Variants in MGAT4C observed in about 807,000 individuals in gnomAD.
MGAT4C encodes MGAT4 family member C, also known as alpha-1,3-mannosyl-glycoprotein 4-beta-N-acetylglucosaminyltransferase C.
MGAT4C carries 19 observed loss-of-function variants against 40.1 expected under a neutral mutation model. The ratio of observed to expected loss-of-function variants is 0.47; its 90% CI spans 0.33 to 0.70. The LOEUF is 0.70. Ranked by LOEUF, MGAT4C falls within the 30% of genes least tolerant of loss-of-function variation. The probability of loss-of-function intolerance (pLI) is 0.02; values close to 1 mark genes in which losing one functional copy is unlikely to be tolerated. For missense variants in MGAT4C, 491 were observed against 563.2 expected (o/e 0.87, Z 1.30); for synonymous variants, 181 against 187.1 (o/e 0.97, Z 0.27).
At chr12:86,173,107 A>C (rs546222885) in intron 1 of MGAT4C, among the ~76,000 whole-genome samples, 1 of 152,096 alleles carries the variant, frequency 6.6e-6, no homozygotes, top group African/African-American at 2.4e-5. Context: ...GGCTGGGCTA[A>C]ATTGTGATCA....
chr12:86,450,114 C>G (rs1957400451), intron 2 of MGAT4C, among the ~76,000 whole-genome samples: 4 of 151,740 alleles, frequency 2.6e-5, no homozygotes. Context: ...ATATGTTCAG[C>G]GTTAGTAGAA....
At position 85,979,935 on chromosome 12, in the gene MGAT4C, T is replaced by G; in HGVS notation, c.791A>C (p.Tyr264Ser). ...CAAACGTGGGAGATCATGAGAATGATAGAGTTTACCAATGTAGCCAAGCTT... is the reference window on the plus strand; with the variant it reads ...CAAACGTGGGAGATCATGAGAATGAGAGAGTTTACCAATGTAGCCAAGCTT... ...FSKLGYIGKL[Y>S]HSHDLPRLAH... Residue 264 changes from tyrosine to serine, a missense_variant, in exon 5 of 5, where the codon TAT (tyrosine) becomes TCT (serine). Physicochemically the swap from Tyr to Ser is moderately radical, Grantham distance 144. Transcript: ENST00000611864. 6.2e-7 allele frequency: 1 copy of G among 1,613,810 alleles called. No homozygotes were observed. Among genetic ancestry groups the G allele is most frequent in the Non-Finnish European group, 8.5e-7 (1 of 1,179,852 alleles).
At chr12:85,997,627 T>A (rs1886776207) in intron 2 of MGAT4C, among the ~76,000 whole-genome samples, 1 of 152,170 alleles carries the variant, frequency 6.6e-6, no homozygotes, top group African/African-American at 2.4e-5. Context: ...ACAGGCCCCA[T>A]GCAAGTCCAA....
At chr12:86,648,929 A>G (rs950962863) in intron 2 of MGAT4C, among the ~76,000 whole-genome samples, 11 of 151,552 alleles carry the variant, frequency 7.3e-5, no homozygotes, top group East Asian at 2.0e-4. Flanking sequence ...TTTCCTATGT[A>G]TACTCTGAAA....
At position 85,958,631 on chromosome 12, in the gene MGAT4C, A is replaced by G. The variant is rs1882945453; in HGVS notation, c.*20658T>C. The G allele has an allele frequency of 6.6e-6, 1 of 152,144 alleles. No homozygotes were observed. Among genetic ancestry groups the G allele is most frequent in the African/African-American group, 2.4e-5 (1 of 41,444 alleles). 9.4% of individuals were successfully genotyped at this position (152,144 alleles called of 1,614,324 possible). On this transcript the variant is annotated 3_prime_UTR_variant, in exon 5 of 5. Coordinates refer to ENST00000611864, the MANE Select transcript of MGAT4C (RefSeq NM_001351288.2). ...CAAAGTTAATTTTATCTACCTGTTC[A>G]GTAAGTGTTGGCAACTATGAATTAA...
chr12:86,367,987 T>G (rs1283297909), intron 3 of MGAT4C, among the ~76,000 whole-genome samples: 1 of 152,210 alleles, frequency 6.6e-6, no homozygotes, highest in East Asian at 1.9e-4. Context: ...TCCCCTTTCT[T>G]TAATTCTTAC....
chr12:86,500,382 A>G (rs1228651714), intron 2 of MGAT4C, among the ~76,000 whole-genome samples: 2 of 151,868 alleles, frequency 1.3e-5, no homozygotes. Flanking sequence ...ATGAGAGCAT[A>G]CACTATCAAA....
chr12:86,466,556 G>A (rs2136300003), intron 2 of MGAT4C, among the ~76,000 whole-genome samples: 1 of 152,288 alleles, frequency 6.6e-6, no homozygotes, highest in African/African-American at 2.4e-5. Context: ...GGATGAATAG[G>A]CAGAACACAG....
chr12:86,385,103 A>G (rs967591977), intron 3 of MGAT4C, among the ~76,000 whole-genome samples: 5 of 152,236 alleles, frequency 3.3e-5, no homozygotes, highest in African/African-American at 1.2e-4. Flanking sequence ...AGTTTCCTAC[A>G]GTATTCCCCA....
chr12:86,298,327 T>TA (rs1276066486), intron 4 of MGAT4C, among the ~76,000 whole-genome samples: 3 of 152,134 alleles, frequency 2.0e-5, no homozygotes, highest in Admixed American at 6.5e-5. Context: ...TCAAATATTA[T>TA]AAAATGGGAT....
intron 2 of MGAT4C, among the ~76,000 whole-genome samples, chr12:86,724,833 C>G (rs1950795777): frequency 6.6e-6 from 1 of 152,208 alleles, no homozygotes; most frequent in African/African-American, 2.4e-5. Flanking sequence ...GCACCCAAAG[C>G]AGGCCAGCCT....
At chr12:86,734,418 G>A (rs942486212) in intron 1 of MGAT4C, among the ~76,000 whole-genome samples, 46 of 151,982 alleles carry the variant, frequency 3.0e-4, no homozygotes, top group African/African-American at 9.7e-4. Context: ...GGAGCAGCGT[G>A]TCCTTCATTC....
intron 2 of MGAT4C, among the ~76,000 whole-genome samples, chr12:86,616,933 C>T (rs1252048555): frequency 6.6e-6 from 1 of 151,964 alleles, no homozygotes; most frequent in Non-Finnish European, 1.5e-5. Flanking sequence ...TCTTACTTCT[C>T]AAAAACCTGT....
intron 3 of MGAT4C, among the ~76,000 whole-genome samples, chr12:86,337,255 A>G (rs2136179586): frequency 6.6e-6 from 1 of 152,216 alleles, no homozygotes; most frequent in Middle Eastern, 3.4e-3. Context: ...TTTAAAATGG[A>G]AATATATTAT....
chr12:86,339,118 T>C (rs1954852707), intron 3 of MGAT4C, among the ~76,000 whole-genome samples: 1 of 152,170 alleles, frequency 6.6e-6, no homozygotes, highest in Non-Finnish European at 1.5e-5. Context: ...GTTATTATTG[T>C]TATCCCTATT....
At chr12:86,121,819 C>T (rs1344908774) in intron 1 of MGAT4C, among the ~76,000 whole-genome samples, 1 of 152,232 alleles carries the variant, frequency 6.6e-6, no homozygotes, top group Non-Finnish European at 1.5e-5. Flanking sequence ...ACTTTTTAAC[C>T]CCCTGCATAC....
At chr12:86,404,620 G>A (rs1179716325) in intron 3 of MGAT4C, among the ~76,000 whole-genome samples, 1 of 152,110 alleles carries the variant, frequency 6.6e-6, no homozygotes, top group Non-Finnish European at 1.5e-5. Flanking sequence ...CTGACCTCCA[G>A]TACTGTGATA....
At chr12:86,120,170 A>T (rs1349766070) in intron 1 of MGAT4C, among the ~76,000 whole-genome samples, 15 of 151,368 alleles carry the variant, frequency 9.9e-5, no homozygotes, top group East Asian at 9.7e-4. Flanking sequence ...AAGAGAAAAA[A>T]ATATATATAT....
At chr12:86,707,124 T>C (rs937929711) in intron 2 of MGAT4C, among the ~76,000 whole-genome samples, 5 of 152,204 alleles carry the variant, frequency 3.3e-5, no homozygotes, top group African/African-American at 1.2e-4. Context: ...TATGTCTTTA[T>C]CAGCAGTGTG....
Sources: allele counts gnomAD v4.1 joint callset (sites outside exome capture counted in the v4.1 genomes callset), GRCh38; gene constraint gnomAD v4.1.1; transcripts MANE v1.5; gene names NCBI Gene and HGNC (gene_info 2026-07-23, HGNC 2026-07-21).